FOXN1: variants seen among roughly 807,000 people sequenced by gnomAD.
The protein encoded by FOXN1 is forkhead box protein N1.
Under a neutral mutation model 49.0 loss-of-function variants are expected in FOXN1, and 15 were observed. That is an observed-to-expected ratio of 0.31 (90% CI 0.20 to 0.47). FOXN1 has a LOEUF of 0.47. FOXN1 is among the 20% of genes least tolerant of loss of function. The pLI, the probability that FOXN1 is intolerant of heterozygous loss-of-function variation, is 1.00. For synonymous variants in FOXN1, 356 were observed against 369.0 expected (o/e 0.96, Z 0.40); for missense variants, 800 against 842.8 (o/e 0.95, Z 0.63).
chr17:28,515,745 A>G (rs145367125), intron 1 of FOXN1, among the ~76,000 whole-genome samples: 1 of 151,866 alleles, frequency 6.6e-6, no homozygotes, highest in Non-Finnish European at 1.5e-5. Context: ...ACAAGTATAC[A>G]CACTTTCACA....
intron 8 of FOXN1, among the ~76,000 whole-genome samples, chr17:28,536,344 C>T (rs185237349): frequency 2.1e-3 from 325 of 152,374 alleles, no homozygotes; most frequent in Non-Finnish European, 3.5e-3. Context: ...AGGCATCAGG[C>T]ATCAGGCTGG....
Position 28,524,658 on chromosome 17 carries a change from C to G in FOXN1, c.279C>G (p.Leu93=), listed in dbSNP as rs374082998. The part of the protein sequence containing the change: ...PAGPGPGPFR[L]SPSDKYPGFG... ...GCCCCGGCCCTGGGCCCTTCAGGCT[C>G]TCACCCTCAGACAAGTATCCTGGCT... The change falls in exon 3 of 9, where the codon CTC becomes CTG. Residue 93 remains leucine, a synonymous_variant. Coordinates refer to ENST00000579795, the MANE Select transcript of FOXN1 (RefSeq NM_001369369.1). The G allele has an allele frequency of 6.8e-4, 1,099 of 1,613,692 alleles. 18 individuals are homozygous for G. The South Asian group carries it at 0.011, about 16-fold the overall frequency.
chr17:28,534,258 T>C lies in FOXN1; in HGVS notation c.928-73T>C. On this transcript the variant is annotated intron_variant, in intron 6 of 8. Coordinates refer to ENST00000579795, the MANE Select transcript of FOXN1 (RefSeq NM_001369369.1). The surrounding 1 kb of genome is among the most constrained non-coding windows in gnomAD (Gnocchi z 4.1). ...GCCCAGAGGAGAAACAGGAGTGTTCTAGAACCCAGACCTGAAGCCCGCTCT... is the reference window on the plus strand; with the variant it reads ...GCCCAGAGGAGAAACAGGAGTGTTCCAGAACCCAGACCTGAAGCCCGCTCT... 1 of 1,610,930 alleles carries C rather than the reference T, an allele frequency of 6.2e-7. No homozygotes were observed. The highest frequency in any genetic ancestry group is 8.5e-7 in the Non-Finnish European group (1 of 1,179,468).
In FOXN1 at chr17:28,524,593, T is replaced by C; in HGVS notation, c.214T>C (p.Ser72Pro). Residue 72 changes from serine to proline, a missense_variant, in exon 3 of 9, where the codon TCA becomes CCA. Coordinates refer to ENST00000579795, the MANE Select transcript of FOXN1 (RefSeq NM_001369369.1). ...GCCCCCACACAGCCCCCGCATTGCG[T>C]CACCAGGGCCCGAGCAAGTCCAGGG... Reference protein sequence around the residue: ...SLPPHSPRIASPGPEQVQGHC... With the variant: ...SLPPHSPRIAPPGPEQVQGHC... 6.2e-7 allele frequency: 1 copy of C among 1,613,518 alleles called. No individual in the cohort carries two copies.
intron 1 of FOXN1, among the ~76,000 whole-genome samples, chr17:28,521,988 T>G (rs947574942): frequency 3.3e-5 from 5 of 152,200 alleles, no homozygotes; most frequent in Admixed American, 1.3e-4. Flanking sequence ...CTCATGCTTT[T>G]CTTGATGCCT....
At chr17:28,525,020 G>C in intron 3 of FOXN1, 53 bp downstream of exon 3, 1 of 1,397,834 alleles carries the variant, frequency 7.2e-7, no homozygotes, top group Non-Finnish European at 9.9e-7. Flanking sequence ...CCAGTTCCTA[G>C]CAGCCTAGAA....
chr17:28,514,248 A>G (rs1015667191), intron 1 of FOXN1, among the ~76,000 whole-genome samples: 2 of 152,150 alleles, frequency 1.3e-5, no homozygotes, highest in African/African-American at 4.8e-5. Flanking sequence ...TCGGTGGCTC[A>G]CATGGAGGAA....
intron 1 of FOXN1, among the ~76,000 whole-genome samples, chr17:28,522,712 C>A (rs2069665185): frequency 6.6e-6 from 1 of 151,938 alleles, no homozygotes; most frequent in Non-Finnish European, 1.5e-5. Context: ...GTGGTACAAG[C>A]CTGTAGTCCC....
chr17:28,537,645 C>CA lies in FOXN1; in HGVS notation c.*210dup. ...CACACATTTCTGCCACGTGGTGGCC[C>CA]AGCTCCTCACCCAGGGCCCCCAAAG... On this transcript the variant is annotated 3_prime_UTR_variant, in exon 9 of 9. Coordinates refer to ENST00000579795, the MANE Select transcript of FOXN1 (RefSeq NM_001369369.1). 1 of 629,048 alleles carries CA rather than the reference C, an allele frequency of 1.6e-6. No individual in the cohort carries two copies. The highest frequency in any genetic ancestry group is 2.9e-6 in the Non-Finnish European group (1 of 346,480). The allele number at this position is 629,048 out of a possible 1,614,324, so 39.0% of individuals were successfully genotyped here. A position where few individuals can be genotyped will look rare whatever the true frequency, so the allele number is the denominator to read the frequency against.
At chr17:28,507,453 G>T (rs2069288209) in intron 1 of FOXN1, among the ~76,000 whole-genome samples, 1 of 152,204 alleles carries the variant, frequency 6.6e-6, no homozygotes, top group Non-Finnish European at 1.5e-5. Flanking sequence ...CAGTGGGAAG[G>T]GACCCGGGCG....
At chr17:28,515,958 C>A (rs1350031681) in intron 1 of FOXN1, among the ~76,000 whole-genome samples, 1 of 151,986 alleles carries the variant, frequency 6.6e-6, no homozygotes, top group East Asian at 1.9e-4. Flanking sequence ...CAGGTGTACA[C>A]CCCTCCACAA....
At chr17:28,531,204 C>T (rs969003912) in intron 6 of FOXN1, among the ~76,000 whole-genome samples, 6 of 152,174 alleles carry the variant, frequency 3.9e-5, no homozygotes, top group Non-Finnish European at 5.9e-5. Context: ...CTACCCCGAC[C>T]GCTGGGATGC....
Position 28,537,236 on chromosome 17 carries a change from C to A in FOXN1, c.1747C>A (p.Pro583Thr), listed in dbSNP as rs755395434. The change falls in exon 9 of 9, where the codon CCT (proline) becomes ACT (threonine). Residue 583 changes from proline to threonine, a missense_variant. Coordinates refer to ENST00000579795, the MANE Select transcript of FOXN1 (RefSeq NM_001369369.1). ...CCAGCCACCACCTCACTGCTTCCCC[C>A]CTGGGCCCTGTCTGACAGAGACAGG... ...PPQPPPHCFP[P>T]GPCLTETGSG... 7 of 1,613,952 alleles carry A rather than the reference C, an allele frequency of 4.3e-6. No individual in the cohort carries two copies. Among genetic ancestry groups the A allele is most frequent in the African/African-American group, 4.0e-5 (3 of 74,934 alleles).
chr17:28,523,337 G>A lies in FOXN1; in HGVS notation c.-14-619G>A, dbSNP rs530015529. On this transcript the variant is annotated intron_variant, in intron 1 of 8. Coordinates refer to ENST00000579795, the MANE Select transcript of FOXN1 (RefSeq NM_001369369.1). Reference sequence around the variant, plus strand: ...CCCGCTGGGCTCACAGGGCCTCCAGGCAACCGGGGGCCTTTGGGTCCCCAG... The same window carrying A: ...CCCGCTGGGCTCACAGGGCCTCCAGACAACCGGGGGCCTTTGGGTCCCCAG... Among the ~76,000 whole-genome samples, 205 of 152,330 alleles carry A rather than the reference G, an allele frequency of 1.3e-3. 1 individual carries two copies. Among genetic ancestry groups the A allele is most frequent in the Middle Eastern group, 6.8e-3 (2 of 294 alleles).
rs77801008 is a variant in FOXN1 at position 28,515,320 on chromosome 17, G to A, written c.-14-8636G>A. Among the ~76,000 whole-genome samples, 91 of 150,814 alleles carry A rather than the reference G, an allele frequency of 6.0e-4. No homozygotes were observed. The East Asian group carries it at 0.016, about 26-fold the overall frequency. ...GGTACATACCTCCAAAGAGTACAGA[G>A]TACATACCTCCACAGGGTACACACC... On this transcript the variant is annotated intron_variant, in intron 1 of 8. Coordinates refer to ENST00000579795, the MANE Select transcript of FOXN1 (RefSeq NM_001369369.1).
At chr17:28,518,118 G>A (rs34360596) in intron 1 of FOXN1, among the ~76,000 whole-genome samples, 13 of 147,858 alleles carry the variant, frequency 8.8e-5, no homozygotes, top group Admixed American at 4.0e-4. Context: ...CCTCCACAGG[G>A]TACACACCTC....
At chr17:28,517,411 C>A (rs868242556) in intron 1 of FOXN1, among the ~76,000 whole-genome samples, 3 of 151,096 alleles carry the variant, frequency 2.0e-5, no homozygotes, top group African/African-American at 4.9e-5. Flanking sequence ...AGGGTACACA[C>A]CTCCACAGGA....
At chr17:28,527,473 A>G (rs2151490254) in intron 4 of FOXN1, 112 bp downstream of exon 4, 1 of 724,818 alleles carries the variant, frequency 1.4e-6, no homozygotes, top group East Asian at 2.7e-5. Flanking sequence ...TAGGCAGATA[A>G]GGACAGCAGG....
chr17:28,530,084 G>A (rs2069874272), intron 5 of FOXN1, among the ~76,000 whole-genome samples: 2 of 151,846 alleles, frequency 1.3e-5, no homozygotes. Context: ...ATCTAATGTA[G>A]ATGACGGGTT....
Sources: gnomAD v4.1 joint callset for allele counts (sites outside exome capture counted in the v4.1 genomes callset) on GRCh38, gnomAD v4.1.1 for gene constraint, Gnocchi (gnomAD v3.1) non-coding constraint, MANE v1.5 for transcripts, NCBI Gene and HGNC (gene_info 2026-07-23, HGNC 2026-07-21) for gene names.